The following AGBL1 variants were observed in gnomAD, a reference collection of about 807,000 sequenced individuals.
AGBL1 encodes the protein cytosolic carboxypeptidase 4.
A neutral mutation model predicts 118.9 loss-of-function variants in AGBL1; 130 were observed. The observed-to-expected ratio is 1.09, with a 90% CI of 0.95 to 1.26. The LOEUF (loss-of-function observed/expected upper bound fraction) is 1.26, where lower values mean the gene tolerates loss of function less well. AGBL1 is among the 50% of genes most tolerant of loss of function. The pLI is 0.00. For synonymous variants in AGBL1, 555 were observed against 478.9 expected, an observed-to-expected ratio of 1.16 and a Z score of -2.08; for missense variants, 1,584 against 1,298.1, an observed-to-expected ratio of 1.22 and a Z score of -3.38.
At chr15:86,533,699 C>A (rs2083381867) in intron 19 of AGBL1, among the ~76,000 whole-genome samples, 1 of 124,120 alleles carries the variant, frequency 8.1e-6, no homozygotes, top group Non-Finnish European at 1.6e-5. Context: ...ATAGCAAAGA[C>A]TTGGAACCAA....
chr15:86,404,652 C>T (rs1317888294), intron 18 of AGBL1, among the ~76,000 whole-genome samples: 1 of 152,292 alleles, frequency 6.6e-6, no homozygotes, highest in East Asian at 1.9e-4. Context: ...AAGATACTCT[C>T]TGAGATCCCA....
intron 22 of AGBL1, among the ~76,000 whole-genome samples, chr15:86,830,186 A>G (rs1596528880): frequency 6.6e-6 from 1 of 152,154 alleles, no homozygotes; most frequent in African/African-American, 2.4e-5. Context: ...AAAGAATACA[A>G]TTTGATGAAT....
At chr15:86,417,324 C>T (rs1207094696) in intron 18 of AGBL1, among the ~76,000 whole-genome samples, 1 of 152,206 alleles carries the variant, frequency 6.6e-6, no homozygotes, top group Non-Finnish European at 1.5e-5. Flanking sequence ...CATATCACCT[C>T]TATATGTTTT....
chr15:86,462,996 T>A (rs2082352881), intron 18 of AGBL1, among the ~76,000 whole-genome samples: 1 of 152,218 alleles, frequency 6.6e-6, no homozygotes, highest in Non-Finnish European at 1.5e-5. Flanking sequence ...TAGTTCTAGA[T>A]CCTTGAGGAA....
chr15:86,454,784 A>G (rs868644658), intron 18 of AGBL1, among the ~76,000 whole-genome samples: 3 of 152,180 alleles, frequency 2.0e-5, no homozygotes, highest in Non-Finnish European at 2.9e-5. Flanking sequence ...GTGATAAAAA[A>G]TTTTATATCT....
intron 22 of AGBL1, among the ~76,000 whole-genome samples, chr15:86,779,560 G>T (rs1257446263): frequency 6.6e-6 from 1 of 151,790 alleles, no homozygotes; most frequent in East Asian, 1.9e-4. Flanking sequence ...TAATTATTTG[G>T]GTATAAATTT....
chr15:86,140,250 G>GT (rs368396524), intron 1 of AGBL1: 12,965 of 143,312 alleles, frequency 0.09, 611 homozygotes, highest in East Asian at 0.15. Flanking sequence ...ATTACTGTGG[G>GT]TTTTTTTTTT....
chr15:86,954,549 A>G (rs1281103189), intron 23 of AGBL1, among the ~76,000 whole-genome samples: 2 of 152,180 alleles, frequency 1.3e-5, no homozygotes, highest in East Asian at 1.9e-4. Flanking sequence ...TAATACAGGA[A>G]CAAAAGACCA....
chr15:86,582,451 T>A (rs2142333986), intron 21 of AGBL1, among the ~76,000 whole-genome samples: 1 of 152,244 alleles, frequency 6.6e-6, no homozygotes, highest in South Asian at 2.1e-4. Flanking sequence ...GAAGTCGGTG[T>A]GGTGATTCCT....
chr15:86,529,352 G>C (rs1473489067), intron 19 of AGBL1, among the ~76,000 whole-genome samples: 3 of 136,016 alleles, frequency 2.2e-5, no homozygotes, highest in African/African-American at 7.4e-5. Context: ...GGAAGAAAGG[G>C]TATCAACGAT....
At chr15:86,497,021 T>C (rs368128770) in intron 18 of AGBL1, among the ~76,000 whole-genome samples, 2 of 152,144 alleles carry the variant, frequency 1.3e-5, no homozygotes, top group East Asian at 3.9e-4. Flanking sequence ...TTTCTTATGT[T>C]ATCTAAAGTT....
chr15:86,633,388 CTCTA>C (rs1407551915), intron 21 of AGBL1, among the ~76,000 whole-genome samples: 1 of 152,044 alleles, frequency 6.6e-6, no homozygotes, highest in Non-Finnish European at 1.5e-5. Context: ...TTAAAAAAAT[CTCTA>C]TCAACAGGAC....
intron 24 of AGBL1, among the ~76,000 whole-genome samples, chr15:87,016,722 A>T (rs555497672): frequency 6.6e-6 from 1 of 152,134 alleles, no homozygotes; most frequent in Non-Finnish European, 1.5e-5. Context: ...TGGCCCACCT[A>T]GGAGTGGCAT....
intron 1 of AGBL1, among the ~76,000 whole-genome samples, chr15:86,111,701 G>A (rs757965386): frequency 1.3e-5 from 2 of 152,190 alleles, no homozygotes; most frequent in Non-Finnish European, 2.9e-5. Context: ...GCTCTTACTT[G>A]TTAACATGGA....
intron 18 of AGBL1, among the ~76,000 whole-genome samples, chr15:86,418,393 C>A (rs2081732036): frequency 6.6e-6 from 1 of 152,208 alleles, no homozygotes; most frequent in African/African-American, 2.4e-5. Flanking sequence ...GTCTCCTTAT[C>A]TAATAACCTG....
intron 17 of AGBL1, among the ~76,000 whole-genome samples, chr15:86,309,048 A>G (rs1012156043): frequency 6.6e-6 from 1 of 152,230 alleles, no homozygotes; most frequent in Non-Finnish European, 1.5e-5. Flanking sequence ...ATTTCAACCC[A>G]TGAACATGGT....
In AGBL1 at chr15:86,158,995, C is replaced by G; in HGVS notation, c.457C>G (p.Pro153Ala). ...AMELLFKVIT[P>A]YTRKRTQAIR... ...GGAACTGCTTTTCAAGGTTATTACT[C>G]CTTACACCCGAAAGCGCACCCAAGC... Residue 153 changes from proline to alanine, a missense_variant, in exon 5 of 23, where the codon CCT (proline) becomes GCT (alanine). Pro to Ala is a conservative substitution (Grantham distance 27). Coordinates refer to ENST00000614907, the MANE Select transcript of AGBL1 (RefSeq NM_001386094.1). 6.2e-7 allele frequency: 1 copy of G among 1,613,348 alleles called. No individual in the cohort carries two copies. The highest frequency in any genetic ancestry group is 8.5e-7 in the Non-Finnish European group (1 of 1,179,424).
At chr15:86,264,990 A>G (rs1597649395) in intron 11 of AGBL1, among the ~76,000 whole-genome samples, 152 bp downstream of exon 11, 2 of 152,368 alleles carry the variant, frequency 1.3e-5, no homozygotes, top group Admixed American at 6.5e-5. Flanking sequence ...CCAAACACAC[A>G]AACTTTGCTT....
At chr15:87,022,271 C>T (rs539481506) in intron 24 of AGBL1, among the ~76,000 whole-genome samples, 1 of 152,010 alleles carries the variant, frequency 6.6e-6, no homozygotes, top group Admixed American at 6.6e-5. Flanking sequence ...TAACACCCCC[C>T]AAAAATCACA....
Sources: allele counts gnomAD v4.1 joint callset (sites outside exome capture counted in the v4.1 genomes callset), GRCh38; gene constraint gnomAD v4.1.1; transcripts MANE v1.5; gene names NCBI Gene and HGNC (gene_info 2026-07-23, HGNC 2026-07-21).